The following IKBIP variants were observed in gnomAD, a reference collection of about 807,000 sequenced individuals.
IKBIP encodes the protein IKBKB interacting protein, also known as inhibitor of nuclear factor kappa-B kinase-interacting protein.
IKBIP carries 28 observed loss-of-function variants against 31.0 expected under a neutral mutation model. That is an observed-to-expected ratio of 0.90 (90% CI 0.67 to 1.24). The LOEUF (loss-of-function observed/expected upper bound fraction) is 1.24. Ranked by LOEUF, IKBIP falls within the 50% of genes most tolerant of loss-of-function variation. The pLI is 0.00. For synonymous variants in IKBIP, 164 were observed against 160.3 expected, an observed-to-expected ratio of 1.02 and a Z score of -0.17; for missense variants, 453 against 441.9, an observed-to-expected ratio of 1.03 and a Z score of -0.23.
intron 1 of IKBIP, among the ~76,000 whole-genome samples, chr12:98,639,650 T>C (rs1274005672): frequency 1.3e-5 from 2 of 152,244 alleles, no homozygotes; most frequent in Non-Finnish European, 2.9e-5. Flanking sequence ...TAATGGTGTG[T>C]GTTGCCTCTG....
In IKBIP at chr12:98,628,957, A is replaced by G. The variant is rs182836374; in HGVS notation, c.298-2191T>C. Among the ~76,000 whole-genome samples, 20 of 152,340 alleles carry G rather than the reference A, an allele frequency of 1.3e-4. No individual in the cohort carries two copies. In the East Asian group the frequency reaches 3.7e-3, roughly 28 times the overall value. Reference sequence around the variant, plus strand: ...ACAGGGGGCAATGGATGCTTTGAGGAGAGATAAAAAGTTAGGAGGGCAATG... The same window carrying G: ...ACAGGGGGCAATGGATGCTTTGAGGGGAGATAAAAAGTTAGGAGGGCAATG... On this transcript the variant is annotated intron_variant, in intron 2 of 2. Coordinates refer to ENST00000299157, the MANE Select transcript of IKBIP (RefSeq NM_153687.4).
intron 2 of IKBIP, among the ~76,000 whole-genome samples, chr12:98,631,727 C>T (rs747091799): frequency 7.0e-6 from 1 of 143,746 alleles, no homozygotes; most frequent in Non-Finnish European, 1.5e-5. Flanking sequence ...GAGACAAGAT[C>T]GAGCCATTGT....
At chr12:98,628,669 C>G (rs766439496) in intron 2 of IKBIP, among the ~76,000 whole-genome samples, 4 of 152,272 alleles carry the variant, frequency 2.6e-5, no homozygotes, top group Non-Finnish European at 5.9e-5. Flanking sequence ...TCTGTGCCAG[C>G]CTTGTGTGAG....
At position 98,633,510 on chromosome 12, in the gene IKBIP, C is replaced by CTTTTTTTTTT. The variant is rs71432181; in HGVS notation, c.297+776_297+785dup. Among the ~76,000 whole-genome samples the CTTTTTTTTTT allele has an allele frequency of 8.6e-4, 53 of 61,390 alleles. 2 individuals carry two copies. Among genetic ancestry groups the CTTTTTTTTTT allele is most frequent in the East Asian group, 1.8e-3 (3 of 1,658 alleles). 40.3% of individuals were successfully genotyped at this position (61,390 alleles called of 152,430 possible). A position where few individuals can be genotyped will look rare whatever the true frequency, so the allele number is the denominator to read the frequency against. On this transcript the variant is annotated intron_variant, in intron 2 of 2. Coordinates refer to ENST00000299157, the MANE Select transcript of IKBIP (RefSeq NM_153687.4). ...GCTAGCCGTTCTTTTTTTTTTAATT[C>CTTTTTTTTTT]TTTTTTTTTTTTTTTTTTTTTTTTG...
intron 2 of IKBIP, among the ~76,000 whole-genome samples, chr12:98,617,904 G>C (rs2097607151): frequency 1.3e-5 from 2 of 152,112 alleles, no homozygotes; most frequent in African/African-American, 4.8e-5. Context: ...TTGTAAAGTA[G>C]GAAATTATAA....
In IKBIP at chr12:98,624,641, T is replaced by C; in HGVS notation, c.*1289A>G. 1.2e-6 allele frequency: 1 copy of C among 869,254 alleles called. No homozygotes were observed. Among genetic ancestry groups the C allele is most frequent in the African/African-American group, 1.8e-5 (1 of 54,996 alleles). 53.8% of individuals were successfully genotyped at this position (869,254 alleles called of 1,614,324 possible). ...AACTTCCATATTGCAGTTGACTACA[T>C]TATATAATTTCAAATAAAATAAAAT... On this transcript the variant is annotated 3_prime_UTR_variant, in exon 3 of 3. Coordinates refer to ENST00000299157, the MANE Select transcript of IKBIP (RefSeq NM_153687.4).
At position 98,633,500 on chromosome 12, in the gene IKBIP, T is replaced by C. The variant is rs1349800911; in HGVS notation, c.297+796A>G. Among the ~76,000 whole-genome samples the C allele has an allele frequency of 2.0e-5, 3 of 150,310 alleles. No homozygotes were observed. In the Admixed American group the frequency reaches 2.0e-4, roughly 10 times the overall value. ...TTACTTTTAGGCTAGCCGTTCTTTT[T>C]TTTTTAATTCTTTTTTTTTTTTTTT... On this transcript the variant is annotated intron_variant, in intron 2 of 2. Transcript: ENST00000299157.
chr12:98,644,170 C>T (rs2097635096), intron 1 of IKBIP, among the ~76,000 whole-genome samples: 2 of 152,106 alleles, frequency 1.3e-5, no homozygotes, highest in Admixed American at 1.3e-4. Context: ...TGGGGCACAG[C>T]GGACAGGAAG....
chr12:98,644,461 T>C lies in IKBIP; in HGVS notation c.179+62A>G. On this transcript the variant is annotated intron_variant, in intron 1 of 2. Coordinates refer to ENST00000299157, the MANE Select transcript of IKBIP (RefSeq NM_153687.4). ...ACCTCCGGCTGGATGTTGAGCCGGG[T>C]GGGAGCCCAAACAGCAGGGGGCCCA... 4 of 1,474,088 alleles carry C rather than the reference T, an allele frequency of 2.7e-6. No homozygotes were observed. In the South Asian group the frequency reaches 3.9e-5, roughly 14 times the overall value. 91.3% of individuals were successfully genotyped at this position (1,474,088 alleles called of 1,614,324 possible).
In IKBIP at chr12:98,625,815, CTCATT is replaced by C. The variant is rs1487500253; in HGVS notation, c.*110_*114del. 6.0e-6 allele frequency: 5 copies of C among 830,332 alleles called. No homozygotes were observed. Among genetic ancestry groups the C allele is most frequent in the African/African-American group, 3.5e-5 (2 of 56,466 alleles). The allele number at this position is 830,332 out of a possible 1,614,324, so 51.4% of individuals were successfully genotyped here. On this transcript the variant is annotated 3_prime_UTR_variant, in exon 3 of 3. Transcript: ENST00000299157. ...GTGGATAATCCATTTGTGTGGACAT[CTCATT>C]TATTTTCCAATAATGTAGGATAAGA...
At chr12:98,642,303 C>A (rs1593002505) in intron 1 of IKBIP, among the ~76,000 whole-genome samples, 1 of 151,896 alleles carries the variant, frequency 6.6e-6, no homozygotes, top group Admixed American at 6.6e-5. Context: ...TGGGATTACA[C>A]CAGGCCCAGC....
chr12:98,634,413 C>G lies in IKBIP; in HGVS notation c.180G>C (p.Trp60Cys), dbSNP rs1326166719. ...ATTTTTCTGACTGCTGAAATACAAACCTGGAAAAGAAAAGAAAAATCACTA... is the reference window on the plus strand; with the variant it reads ...ATTTTTCTGACTGCTGAAATACAAAGCTGGAAAAGAAAAGAAAAATCACTA... ...LSLGTCLGLA[W>C]FVFQQSEKFA... Residue 60 changes from tryptophan to cysteine, a missense_variant and splice_region_variant, in exon 2 of 3, where the codon TGG (tryptophan) becomes TGC (cysteine). Coordinates refer to ENST00000299157, the MANE Select transcript of IKBIP (RefSeq NM_153687.4). 6.8e-7 allele frequency: 1 copy of G among 1,480,524 alleles called. No individual in the cohort carries two copies. Among genetic ancestry groups the G allele is most frequent in the Non-Finnish European group, 9.4e-7 (1 of 1,064,686 alleles). 91.7% of individuals were successfully genotyped at this position (1,480,524 alleles called of 1,614,324 possible).
chr12:98,639,514 G>T (rs1223607743), intron 1 of IKBIP, among the ~76,000 whole-genome samples: 1 of 152,176 alleles, frequency 6.6e-6, no homozygotes, highest in East Asian at 1.9e-4. Flanking sequence ...TTTAGCGTAG[G>T]CCTTACAAAA....
At chr12:98,641,682 G>T (rs1259188213) in intron 1 of IKBIP, among the ~76,000 whole-genome samples, 1 of 152,108 alleles carries the variant, frequency 6.6e-6, no homozygotes, top group East Asian at 1.9e-4. Context: ...GAGAGACAGG[G>T]TCTTGCTCTG....
intron 2 of IKBIP, among the ~76,000 whole-genome samples, chr12:98,628,934 A>G (rs2097617370): frequency 6.6e-6 from 1 of 152,200 alleles, no homozygotes; most frequent in African/African-American, 2.4e-5. Context: ...GAATTAGCAC[A>G]GGGGGCAATG....
Position 98,624,279 on chromosome 12 carries a change from T to A in IKBIP, c.*1651A>T, listed in dbSNP as rs2153296091. 1 of 969,354 alleles carries A rather than the reference T, an allele frequency of 1.0e-6. No individual in the cohort carries two copies. The highest frequency in any genetic ancestry group is 1.2e-6 in the Non-Finnish European group (1 of 815,340). The allele number at this position is 969,354 out of a possible 1,614,324, so 60.0% of individuals were successfully genotyped here. ...TTATAATCTATTTTATTACCATTAA[T>A]ATAAAAGTAAACAAATAGAATTTTG... On this transcript the variant is annotated 3_prime_UTR_variant, in exon 3 of 3. Coordinates refer to ENST00000299157, the MANE Select transcript of IKBIP (RefSeq NM_153687.4).
Position 98,625,209 on chromosome 12 carries a change from CAT to C in IKBIP, c.*719_*720del, listed in dbSNP as rs2097613184. 1 of 979,966 alleles carries C rather than the reference CAT, an allele frequency of 1.0e-6. No homozygotes were observed. The highest frequency in any genetic ancestry group is 6.2e-5 in the Admixed American group (1 of 16,248). The allele number at this position is 979,966 out of a possible 1,614,324, so 60.7% of individuals were successfully genotyped here. Reference sequence around the variant, plus strand: ...AAGATATTTCAAAGATTTATATACACATAATTCCTAAGAAAGGCCTTATGTAA... The same window carrying C: ...AAGATATTTCAAAGATTTATATACACAATTCCTAAGAAAGGCCTTATGTAA... On this transcript the variant is annotated 3_prime_UTR_variant, in exon 3 of 3. Coordinates refer to ENST00000299157, the MANE Select transcript of IKBIP (RefSeq NM_153687.4).
chr12:98,644,692 C>A lies in IKBIP; in HGVS notation c.10G>T (p.Val4Leu), dbSNP rs1185977236. ...GGCCCCGACTTCTTCCGGCTCTTCACCTCAGACATGTCTGGAGACCCTAGG... is the reference window on the plus strand; with the variant it reads ...GGCCCCGACTTCTTCCGGCTCTTCAACTCAGACATGTCTGGAGACCCTAGG... The part of the protein sequence containing the change: MSE[V>L]KSRKKSGPKG... The change falls in exon 1 of 3, where the codon GTG becomes TTG. Residue 4 changes from valine to leucine, a missense_variant. By Grantham distance (32) the Val-to-Leu change is conservative. Transcript: ENST00000299157. The A allele has an allele frequency of 5.6e-6, 9 of 1,609,818 alleles. No homozygotes were observed. Among genetic ancestry groups the A allele is most frequent in the Non-Finnish European group, 6.8e-6 (8 of 1,178,948 alleles).
downstream of IKBIP, among the ~76,000 whole-genome samples, chr12:98,620,443 T>C (rs956786036): frequency 1.3e-5 from 2 of 151,822 alleles, no homozygotes; most frequent in African/African-American, 2.4e-5. Flanking sequence ...CTCAGCTCAC[T>C]GCAACCCCTG....
Sources: allele counts gnomAD v4.1 joint callset (sites outside exome capture counted in the v4.1 genomes callset), GRCh38; gene constraint gnomAD v4.1.1; transcripts MANE v1.5; gene names NCBI Gene and HGNC (gene_info 2026-07-23, HGNC 2026-07-21).